Variants in PCDH11X observed in about 807,000 individuals in gnomAD.
PCDH11X encodes protocadherin-11 X-linked.
A neutral mutation model predicts 53.3 loss-of-function variants in PCDH11X; 18 were observed. That is an observed-to-expected ratio of 0.34 (90% CI 0.23 to 0.50). The LOEUF is 0.50. Among genes scored for constraint, PCDH11X ranks in the 20% least tolerant of loss-of-function variants. The pLI, the probability that PCDH11X is intolerant of heterozygous loss-of-function variation, is 0.98. For synonymous variants in PCDH11X, 279 were observed against 393.3 expected (o/e 0.71, Z 3.44); for missense variants, 570 against 1,032.4 (o/e 0.55, Z 6.14).
At chrX:92,273,465 C>T (rs1400759701) in intron 8 of PCDH11X, among the ~76,000 whole-genome samples, 4 of 111,343 alleles carry the variant, frequency 3.6e-5, no homozygotes, top group South Asian at 3.8e-4. Context: ...TGGTCCTTTC[C>T]GTGCAAGTCA....
At chrX:92,571,977 A>G (rs1354900625) in intron 10 of PCDH11X, among the ~76,000 whole-genome samples, 1 of 112,319 alleles carries the variant, frequency 8.9e-6, no homozygotes, top group Admixed American at 9.5e-5. Flanking sequence ...ACTGTGTTTG[A>G]TATGTGGAAA....
chrX:92,223,990 C>T lies in PCDH11X; in HGVS notation c.3114+22535C>T, dbSNP rs1487955291. Among the ~76,000 whole-genome samples the T allele has an allele frequency of 1.2e-4, 13 of 111,387 alleles. No individual in the cohort carries two copies. In the East Asian group the frequency reaches 3.4e-3, roughly 29 times the overall value. ...TCTTTAATGCACACATTATATGTACCATGAGGGATATTATCGAGGACCTCT... is the reference window on the plus strand; with the variant it reads ...TCTTTAATGCACACATTATATGTACTATGAGGGATATTATCGAGGACCTCT... On this transcript the variant is annotated intron_variant, in intron 7 of 10. Transcript: ENST00000682573.
intron 6 of PCDH11X, among the ~76,000 whole-genome samples, chrX:92,014,796 A>G (rs1402996946): frequency 9.0e-6 from 1 of 111,384 alleles, no homozygotes; most frequent in East Asian, 2.8e-4. Context: ...GAAAAAACCA[A>G]ACACCGCATG....
chrX:92,352,099 T>TA (rs1391163376), intron 8 of PCDH11X, among the ~76,000 whole-genome samples: 3 of 111,864 alleles, frequency 2.7e-5, no homozygotes, highest in South Asian at 3.7e-4. Context: ...TTTTACAGAA[T>TA]AAAAAATTGT....
chrX:92,529,091 T>A (rs1174619047), intron 10 of PCDH11X, among the ~76,000 whole-genome samples: 1 of 111,648 alleles, frequency 9.0e-6, no homozygotes, highest in Non-Finnish European at 1.9e-5. Flanking sequence ...TGTGGAAAGT[T>A]GCCATTTTTA....
chrX:92,536,509 C>G lies in PCDH11X; in HGVS notation c.3367+68187C>G, dbSNP rs1462378252. Among the ~76,000 whole-genome samples, 3 of 110,714 alleles carry G rather than the reference C, an allele frequency of 2.7e-5. No homozygotes were observed. The East Asian group carries it at 8.5e-4, about 31-fold the overall frequency. ...GGATTGGTATACCATATGGTAGCTGCATTTTTAAGTTTTTGTGGAAGTTTC... is the reference window on the plus strand; with the variant it reads ...GGATTGGTATACCATATGGTAGCTGGATTTTTAAGTTTTTGTGGAAGTTTC... On this transcript the variant is annotated intron_variant, in intron 10 of 10. Coordinates refer to ENST00000682573, the MANE Select transcript of PCDH11X (RefSeq NM_032968.5).
intron 8 of PCDH11X, among the ~76,000 whole-genome samples, chrX:92,355,417 CAAAAAAAAAAAAAAAA>C (rs57339128): frequency 4.2e-5 from 1 of 23,588 alleles, no homozygotes; most frequent in East Asian, 1.9e-3. Flanking sequence ...GACTCCGTCT[CAAAAAAAAAAAAAAAA>C]AAAAAAAAAA....
chrX:92,073,121 T>C (rs189638634), intron 6 of PCDH11X, among the ~76,000 whole-genome samples: 168 of 111,509 alleles, frequency 1.5e-3, no homozygotes, highest in African/African-American at 5.3e-3. Context: ...GCTCTCTGTC[T>C]TCCCAAAATG....
chrX:91,923,346 A>G lies in PCDH11X; in HGVS notation c.3033+44073A>G, dbSNP rs571296907. Among the ~76,000 whole-genome samples, 3 of 90,684 alleles carry G rather than the reference A, an allele frequency of 3.3e-5. No individual in the cohort carries two copies. In the South Asian group the frequency reaches 2.0e-3, roughly 60 times the overall value. 78.7% of individuals were successfully genotyped at this position (90,684 alleles called of 115,157 possible). A position where few individuals can be genotyped will look rare whatever the true frequency, so the allele number is the denominator to read the frequency against. On this transcript the variant is annotated intron_variant, in intron 6 of 10. Coordinates refer to ENST00000682573, the MANE Select transcript of PCDH11X (RefSeq NM_032968.5). ...ACTGGAAAAGGCAGACCCACCCTCA[A>G]TCTGGGTGGGCACCATCTAATCAGC...
intron 7 of PCDH11X, among the ~76,000 whole-genome samples, chrX:92,237,091 T>C (rs1003398437): frequency 1.8e-5 from 2 of 111,427 alleles, no homozygotes; most frequent in Non-Finnish European, 3.8e-5. Context: ...TGCAGGAGAA[T>C]TCTTCATTTT....
intron 6 of PCDH11X, among the ~76,000 whole-genome samples, chrX:92,071,302 A>G (rs2063699003): frequency 9.0e-6 from 1 of 111,097 alleles, no homozygotes; most frequent in Non-Finnish European, 1.9e-5. Flanking sequence ...TCAGCATGTC[A>G]GTTGCATCTT....
At chrX:91,871,931 A>G (rs1451728105) in intron 5 of PCDH11X, among the ~76,000 whole-genome samples, 1 of 111,134 alleles carries the variant, frequency 9.0e-6, no homozygotes, top group Non-Finnish European at 1.9e-5. Flanking sequence ...AAGTCCATGC[A>G]TTTTTCATGA....
chrX:91,896,116 CTTAA>C (rs989096501), intron 6 of PCDH11X, among the ~76,000 whole-genome samples: 2 of 107,557 alleles, frequency 1.9e-5, no homozygotes, highest in East Asian at 2.9e-4. Flanking sequence ...ATTTTACTTA[CTTAA>C]TTAAGTAATA....
intron 7 of PCDH11X, among the ~76,000 whole-genome samples, chrX:92,222,449 G>T (rs1259586225): frequency 9.0e-6 from 1 of 111,499 alleles, no homozygotes; most frequent in Non-Finnish European, 1.9e-5. Context: ...CTCCCCTGCT[G>T]TTGTTTCCTG....
Position 92,467,915 on chromosome X carries a change from G to T in PCDH11X, c.3344-384G>T, listed in dbSNP as rs191306840. Among the ~76,000 whole-genome samples, 31 of 111,593 alleles carry T rather than the reference G, an allele frequency of 2.8e-4. No individual in the cohort carries two copies. The East Asian group carries it at 7.9e-3, about 28-fold the overall frequency. ...TGTCTTTTCTTGCTCTACACTTATAGTAGGAGGTTGCATGAAAGAAACTGG... is the reference window on the plus strand; with the variant it reads ...TGTCTTTTCTTGCTCTACACTTATATTAGGAGGTTGCATGAAAGAAACTGG... On this transcript the variant is annotated intron_variant, in intron 9 of 10. Coordinates refer to ENST00000682573, the MANE Select transcript of PCDH11X (RefSeq NM_032968.5).
intron 5 of PCDH11X, among the ~76,000 whole-genome samples, chrX:91,874,951 A>G (rs1939512193): frequency 9.8e-6 from 1 of 102,126 alleles, no homozygotes; most frequent in Non-Finnish European, 2.0e-5. Context: ...CAGCACATAA[A>G]TGAGAGATCA....
chrX:92,019,317 A>T (rs1411996781), intron 6 of PCDH11X, among the ~76,000 whole-genome samples: 1 of 109,190 alleles, frequency 9.2e-6, no homozygotes, highest in Non-Finnish European at 1.9e-5. Flanking sequence ...GAGGCAGAAC[A>T]TTTGCAAAGA....
chrX:92,460,275 G>C (rs1291675351), intron 9 of PCDH11X: 1 of 827,896 alleles, frequency 1.2e-6, no homozygotes, highest in African/African-American at 2.0e-5. Context: ...CAGAGATTGA[G>C]GCTCTCAGGG....
Position 92,121,981 on chromosome X carries a change from GTTTTTTTTTTT to G in PCDH11X, c.3034-79384_3034-79374del, listed in dbSNP as rs746833949. Among the ~76,000 whole-genome samples the G allele has an allele frequency of 3.6e-4, 25 of 69,450 alleles. No homozygotes were observed. The South Asian group carries it at 0.017, about 49-fold the overall frequency. 60.3% of individuals were successfully genotyped at this position (69,450 alleles called of 115,157 possible). A position where few individuals can be genotyped will look rare whatever the true frequency, so the allele number is the denominator to read the frequency against. ...AAAGAAAAAAGAAGCAGTCATTTCT[GTTTTTTTTTTT>G]TTTTTTTTTGAAACAGAGTCTCACT... is the stretch of plus-strand genomic sequence containing the variant. On this transcript the variant is annotated intron_variant, in intron 6 of 10. Transcript: ENST00000682573.
Sources: gnomAD v4.1 joint callset for allele counts (sites outside exome capture counted in the v4.1 genomes callset) on GRCh38, gnomAD v4.1.1 for gene constraint, MANE v1.5 for transcripts, NCBI Gene and HGNC (gene_info 2026-07-23, HGNC 2026-07-21) for gene names.